Variants in RBPMS observed in about 807,000 individuals in gnomAD.
RBPMS encodes RNA-binding protein with multiple splicing.
Under a neutral mutation model 26.8 loss-of-function variants are expected in RBPMS, and 7 were observed. That is an observed-to-expected ratio of 0.26 (90% CI 0.15 to 0.49). The LOEUF (loss-of-function observed/expected upper bound fraction) is 0.49, where lower values mean the gene tolerates loss of function less well. Among genes scored for constraint, RBPMS ranks in the 20% least tolerant of loss-of-function variants. The pLI, the probability that RBPMS is intolerant of heterozygous loss-of-function variation, is 0.98. For synonymous variants in RBPMS, 96 were observed against 93.3 expected, an observed-to-expected ratio of 1.03 and a Z score of -0.17; for missense variants, 186 against 250.0, an observed-to-expected ratio of 0.74 and a Z score of 1.73.
chr8:30,506,789 C>T (rs1347278027), intron 5 of RBPMS, among the ~76,000 whole-genome samples: 2 of 152,126 alleles, frequency 1.3e-5, no homozygotes, highest in African/African-American at 2.4e-5. Flanking sequence ...GAAAAGCACT[C>T]GTTGCCATCA....
chr8:30,511,486 A>AATAT (rs869100800), intron 5 of RBPMS, among the ~76,000 whole-genome samples: 8 of 23,532 alleles, frequency 3.4e-4, no homozygotes, highest in African/African-American at 1.3e-3. Flanking sequence ...AAAAAAAAAA[A>AATAT]ATATATATAT....
intron 7 of RBPMS, among the ~76,000 whole-genome samples, chr8:30,563,179 A>G (rs1394448459): frequency 3.5e-5 from 5 of 141,076 alleles, no homozygotes; most frequent in African/African-American, 1.6e-4. Context: ...CCATCAGGAG[A>G]GGGGGGGTCA....
intron 8 of RBPMS, among the ~76,000 whole-genome samples, chr8:30,569,372 G>A (rs947073463): frequency 2.0e-5 from 3 of 152,170 alleles, no homozygotes; most frequent in Non-Finnish European, 4.4e-5. Context: ...AAGCTAAAGT[G>A]GCCTGGTCAG....
chr8:30,515,399 G>T (rs528778638), intron 5 of RBPMS, among the ~76,000 whole-genome samples: 1 of 152,254 alleles, frequency 6.6e-6, no homozygotes, highest in African/African-American at 2.4e-5. Flanking sequence ...AGAATATCCA[G>T]TTACCTGTAA....
intron 2 of RBPMS, among the ~76,000 whole-genome samples, chr8:30,476,785 A>T (rs192385369): frequency 6.6e-6 from 1 of 152,148 alleles, no homozygotes; most frequent in Non-Finnish European, 1.5e-5. Context: ...CCAGCTATTG[A>T]TTATTTTCAG....
At chr8:30,505,313 G>A (rs187784957) in intron 5 of RBPMS, among the ~76,000 whole-genome samples, 61 of 152,200 alleles carry the variant, frequency 4.0e-4, no homozygotes, top group Middle Eastern at 3.4e-3. Flanking sequence ...TAAACCACAC[G>A]GTTGTGATCT....
In RBPMS at chr8:30,569,665, G is replaced by A. The variant is rs1388578189; in HGVS notation, c.*112-972G>A. Among the ~76,000 whole-genome samples, 6 of 152,182 alleles carry A rather than the reference G, an allele frequency of 3.9e-5. No individual in the cohort carries two copies. The East Asian group carries it at 9.7e-4, about 25-fold the overall frequency. ...CCCAAAGCAAAGTAGATGAAGATTC[G>A]AGGTAGAAGCACACTTCTGCACAGG... On this transcript the variant is annotated intron_variant, in intron 8 of 8. Coordinates refer to ENST00000397323, the MANE Select transcript of RBPMS (RefSeq NM_001008710.3).
chr8:30,446,039 G>T (rs1256011737), intron 1 of RBPMS, among the ~76,000 whole-genome samples: 1 of 152,164 alleles, frequency 6.6e-6, no homozygotes, highest in Non-Finnish European at 1.5e-5. Context: ...TATGGTACAT[G>T]AAAAACAACT....
At chr8:30,557,645 C>T (rs1363049694) in intron 6 of RBPMS, among the ~76,000 whole-genome samples, 1 of 152,170 alleles carries the variant, frequency 6.6e-6, no homozygotes, top group East Asian at 1.9e-4. Flanking sequence ...TCCTCCTCTG[C>T]CACCCTGCGG....
chr8:30,512,192 A>G lies in RBPMS; in HGVS notation c.397+7756A>G, dbSNP rs991012354. ...GTAGCTGGGAGTACAAGCACATACC[A>G]TACCACCTTGCCTGGGGTTTCTTCA... On this transcript the variant is annotated intron_variant, in intron 5 of 8. Transcript: ENST00000397323. Among the ~76,000 whole-genome samples, 14 of 152,164 alleles carry G rather than the reference A, an allele frequency of 9.2e-5. No individual in the cohort carries two copies. The East Asian group carries it at 1.2e-3, about 13-fold the overall frequency.
At chr8:30,490,657 C>T (rs1431507849) in intron 4 of RBPMS, among the ~76,000 whole-genome samples, 1 of 152,150 alleles carries the variant, frequency 6.6e-6, no homozygotes, top group Non-Finnish European at 1.5e-5. Flanking sequence ...GACAGGGTTT[C>T]ACCATACCAT....
chr8:30,459,771 T>A, intron 1 of RBPMS, among the ~76,000 whole-genome samples: 1 of 152,222 alleles, frequency 6.6e-6, no homozygotes, highest in East Asian at 1.9e-4. Context: ...CATTAAAAAT[T>A]TATACAGTGC....
At chr8:30,511,584 T>C (rs943375764) in intron 5 of RBPMS, among the ~76,000 whole-genome samples, 3 of 148,576 alleles carry the variant, frequency 2.0e-5, no homozygotes, top group Non-Finnish European at 4.4e-5. Context: ...TATATATGTG[T>C]ATAGATATAT....
At chr8:30,425,588 C>T (rs906657997) in intron 1 of RBPMS, among the ~76,000 whole-genome samples, 8 of 151,838 alleles carry the variant, frequency 5.3e-5, no homozygotes, top group African/African-American at 1.7e-4. Flanking sequence ...TTAGTAGAGA[C>T]GGGGTTTCTC....
At chr8:30,512,852 A>AT (rs1340024276) in intron 5 of RBPMS, among the ~76,000 whole-genome samples, 1 of 152,238 alleles carries the variant, frequency 6.6e-6, no homozygotes, top group Admixed American at 6.5e-5. Context: ...GCAGAACTCC[A>AT]TATGATCTCT....
At chr8:30,500,917 C>T (rs1820490267) in intron 4 of RBPMS, among the ~76,000 whole-genome samples, 1 of 152,086 alleles carries the variant, frequency 6.6e-6, no homozygotes, top group Admixed American at 6.6e-5. Context: ...CTGTTCTAGT[C>T]CCTTCATTGA....
chr8:30,451,330 CATATT>C (rs1240491726), intron 1 of RBPMS, among the ~76,000 whole-genome samples: 10 of 152,204 alleles, frequency 6.6e-5, no homozygotes, highest in African/African-American at 2.4e-4. Flanking sequence ...TGTAAAATGA[CATATT>C]ATCAAGAATT....
chr8:30,476,805 C>A (rs1417386624), intron 2 of RBPMS, among the ~76,000 whole-genome samples: 2 of 152,092 alleles, frequency 1.3e-5, no homozygotes, highest in African/African-American at 4.8e-5. Context: ...GAAATAAACA[C>A]ATTTTGTTAT....
intron 1 of RBPMS, among the ~76,000 whole-genome samples, chr8:30,447,379 A>G (rs895226087): frequency 6.6e-6 from 1 of 152,236 alleles, no homozygotes; most frequent in African/African-American, 2.4e-5. Context: ...TACATAAAAT[A>G]GAGAATATAT....
Sources: allele counts gnomAD v4.1 joint callset (sites outside exome capture counted in the v4.1 genomes callset), GRCh38; gene constraint gnomAD v4.1.1; transcripts MANE v1.5; gene names NCBI Gene and HGNC (gene_info 2026-07-23, HGNC 2026-07-21).